ST3GAL3: variants seen among roughly 807,000 people sequenced by gnomAD.
ST3GAL3 encodes the protein CMP-N-acetylneuraminate-beta-1,4-galactoside alpha-2,3-sialyltransferase.
A neutral mutation model predicts 50.1 loss-of-function variants in ST3GAL3; 21 were observed. The ratio of observed to expected loss-of-function variants is 0.42; its 90% confidence interval spans 0.30 to 0.60. The LOEUF is 0.60. ST3GAL3 is among the 20% of genes least tolerant of loss of function. ST3GAL3 has a pLI of 0.19. For synonymous variants in ST3GAL3, 183 were observed against 190.0 expected, an observed-to-expected ratio of 0.96 and a Z score of 0.30; for missense variants, 353 against 489.4, an observed-to-expected ratio of 0.72 and a Z score of 2.63.
chr1:43,821,749 T>C (rs935690466), intron 4 of ST3GAL3, among the ~76,000 whole-genome samples: 1 of 152,062 alleles, frequency 6.6e-6, no homozygotes, highest in African/African-American at 2.4e-5. Flanking sequence ...TAAGGATACC[T>C]CCAAGGAGGC....
At chr1:43,885,094 C>T (rs1259475836) in intron 5 of ST3GAL3, among the ~76,000 whole-genome samples, 1 of 152,194 alleles carries the variant, frequency 6.6e-6, no homozygotes, top group African/African-American at 2.4e-5. Context: ...CATTTTTGAG[C>T]ATTAAGTGAG....
intron 2 of ST3GAL3, among the ~76,000 whole-genome samples, chr1:43,753,669 G>C (rs1687006646): frequency 6.6e-6 from 1 of 152,164 alleles, no homozygotes; most frequent in African/African-American, 2.4e-5. Flanking sequence ...ATTCTAGACT[G>C]CTGACCTTTG....
intron 9 of ST3GAL3, among the ~76,000 whole-genome samples, chr1:43,907,773 C>T (rs2080066713): frequency 1.3e-5 from 2 of 152,284 alleles, no homozygotes; most frequent in South Asian, 2.1e-4. Context: ...TTGCCGGGTC[C>T]TCCTCTCACA....
chr1:43,827,564 G>A (rs1036703803), intron 4 of ST3GAL3, among the ~76,000 whole-genome samples: 1 of 152,114 alleles, frequency 6.6e-6, no homozygotes, highest in Non-Finnish European at 1.5e-5. Flanking sequence ...GTGTAGCGGT[G>A]CAACCACGGC....
intron 4 of ST3GAL3, among the ~76,000 whole-genome samples, chr1:43,821,243 C>A (rs2062053070): frequency 6.6e-6 from 1 of 152,034 alleles, no homozygotes; most frequent in Admixed American, 6.6e-5. Context: ...GAGCAACAGA[C>A]AAGTTTTTGG....
At chr1:43,862,827 G>C (rs904388930) in intron 5 of ST3GAL3, among the ~76,000 whole-genome samples, 2 of 152,030 alleles carry the variant, frequency 1.3e-5, no homozygotes, top group African/African-American at 4.8e-5. Flanking sequence ...GAGGCAGGAG[G>C]ATCGCTTGAG....
intron 4 of ST3GAL3, among the ~76,000 whole-genome samples, chr1:43,827,160 A>G (rs552471215): frequency 6.6e-6 from 1 of 152,358 alleles, no homozygotes; most frequent in South Asian, 2.1e-4. Context: ...TTCACAGATG[A>G]CATGATTGTC....
intron 2 of ST3GAL3, among the ~76,000 whole-genome samples, chr1:43,746,070 C>T (rs1266439749): frequency 3.9e-5 from 6 of 152,242 alleles, no homozygotes; most frequent in South Asian, 4.1e-4. Context: ...ATATCCCTGT[C>T]GTTAAGTGAT....
chr1:43,862,745 CAAAAA>C (rs749080973), intron 5 of ST3GAL3, among the ~76,000 whole-genome samples: 3 of 104,410 alleles, frequency 2.9e-5, no homozygotes, highest in Non-Finnish European at 2.1e-5. Flanking sequence ...CTGTCTCTAC[CAAAAA>C]AAAAAAAAAA....
chr1:43,899,709 C>T lies in ST3GAL3; in HGVS notation c.726C>T (p.Ile242=), dbSNP rs148477698. The part of the protein sequence containing the change: ...KWQDFKWLKY[I]VYKERVSASD... ...AGGACTTTAAGTGGTTGAAATACAT[C>T]GTCTACAAGGAGAGAGTGGTAAGCT... Residue 242 remains isoleucine, a synonymous_variant, in exon 9 of 12, where the codon ATC becomes ATT. Transcript: ENST00000347631. This position sits in a 1 kb window ranked among gnomAD's most constrained non-coding sequence, Gnocchi z 5.4. The T allele has an allele frequency of 2.1e-5, 34 of 1,613,932 alleles. No homozygotes were observed. Among genetic ancestry groups the T allele is most frequent in the Admixed American group, 1.3e-4 (8 of 60,006 alleles).
At chr1:43,732,049 A>G (rs1571676865) in intron 1 of ST3GAL3, among the ~76,000 whole-genome samples, 1 of 152,170 alleles carries the variant, frequency 6.6e-6, no homozygotes, top group East Asian at 1.9e-4. Flanking sequence ...ATATGTACAT[A>G]CTATTCTACA....
intron 9 of ST3GAL3, among the ~76,000 whole-genome samples, chr1:43,902,948 C>T (rs1045138470): frequency 2.0e-5 from 3 of 152,180 alleles, no homozygotes; most frequent in Admixed American, 2.0e-4. Flanking sequence ...GCTAGAGTTA[C>T]AGTACAGTGT....
intron 2 of ST3GAL3, among the ~76,000 whole-genome samples, chr1:43,779,453 A>C (rs900271181): frequency 3.3e-5 from 5 of 152,168 alleles, no homozygotes; most frequent in African/African-American, 1.2e-4. Context: ...GCACTTCCTC[A>C]TTATCACCAC....
chr1:43,851,753 C>A, intron 5 of ST3GAL3: 1 of 887,048 alleles, frequency 1.1e-6, no homozygotes. Context: ...CCGAAGCTGC[C>A]GGAACACAGC....
At position 43,899,629 on chromosome 1, in the gene ST3GAL3, C is replaced by A. The variant is rs532677391; in HGVS notation, c.646C>A (p.Arg216=). 1 of 1,614,064 alleles carries A rather than the reference C, an allele frequency of 6.2e-7. No homozygotes were observed. The highest frequency in any genetic ancestry group is 8.5e-7 in the Non-Finnish European group (1 of 1,180,060). Residue 216 remains arginine (R), a synonymous_variant, in exon 9 of 12, where the codon CGG becomes AGG. Transcript: ENST00000347631. The surrounding 1 kb of genome is among the most constrained non-coding windows in gnomAD (Gnocchi z 5.4). ...CACCTACCCCGAGGGCGCCATGCAG[C>A]GGCCTGAGCAGTACGAGCGCGATTC... ...RITYPEGAMQ[R]PEQYERDSLF...
chr1:43,929,894 G>C (rs952756793), intron 11 of ST3GAL3: 14 of 608,606 alleles, frequency 2.3e-5, no homozygotes, highest in Non-Finnish European at 3.6e-5. Context: ...TTCCTGGGAC[G>C]AGGAAAGGGG....
At chr1:43,831,130 A>G (rs1019936992) in intron 4 of ST3GAL3, among the ~76,000 whole-genome samples, 16 of 152,248 alleles carry the variant, frequency 1.1e-4, no homozygotes, top group African/African-American at 3.9e-4. Context: ...ACACCTAGTA[A>G]GTAGAACTGG....
intron 5 of ST3GAL3, among the ~76,000 whole-genome samples, chr1:43,885,745 C>T (rs553417583): frequency 1.3e-5 from 2 of 152,340 alleles, no homozygotes; most frequent in South Asian, 2.1e-4. Flanking sequence ...TTATAGGCCC[C>T]AGCCCATTTT....
chr1:43,756,393 T>C (rs1688124099), intron 2 of ST3GAL3, among the ~76,000 whole-genome samples: 1 of 152,196 alleles, frequency 6.6e-6, no homozygotes, highest in Admixed American at 6.5e-5. Context: ...ATTGTGATTT[T>C]ATGTATGTGT....
Sources: allele counts gnomAD v4.1 joint callset (sites outside exome capture counted in the v4.1 genomes callset), GRCh38; gene constraint gnomAD v4.1.1; non-coding constraint Gnocchi (gnomAD v3.1); transcripts MANE v1.5; gene names NCBI Gene and HGNC (gene_info 2026-07-23, HGNC 2026-07-21).